CCDC91: variants seen among roughly 807,000 people sequenced by gnomAD.
CCDC91 encodes the protein coiled-coil domain-containing protein 91.
CCDC91 carries 48 observed loss-of-function variants against 63.2 expected under a neutral mutation model. The ratio of observed to expected loss-of-function variants is 0.76; its 90% CI spans 0.60 to 0.97. The LOEUF is 0.97. CCDC91 is among the 50% of genes least tolerant of loss of function. CCDC91 has a pLI of 0.00. For synonymous variants in CCDC91, 167 were observed against 165.8 expected (o/e 1.01, Z -0.06); for missense variants, 500 against 494.6 (o/e 1.01, Z -0.10).
intron 1 of CCDC91, among the ~76,000 whole-genome samples, chr12:28,200,245 T>C (rs1043414180): frequency 6.6e-6 from 1 of 151,628 alleles, no homozygotes; most frequent in African/African-American, 2.4e-5. Flanking sequence ...TGAATTTTTT[T>C]TTTTTTTTGA....
Position 28,306,885 on chromosome 12 carries a change from A to G in CCDC91, c.411A>G (p.Lys137=). Residue 137 remains lysine, a synonymous_variant, in exon 5 of 13, where the codon AAA becomes AAG. Coordinates refer to ENST00000536442, the MANE Select transcript of CCDC91 (RefSeq NM_018318.5). ...ANVSNIQLQQ[K]ISSLEIKLKV... is the part of the protein sequence containing the mutation. ...TATCTAACATACAGCTTCAGCAAAA[A>G]ATTTCAAGTCTGGAGATTAAACTCA... is the stretch of plus-strand genomic sequence containing the variant. 6.2e-7 allele frequency: 1 copy of G among 1,612,312 alleles called. No homozygotes were observed. Among genetic ancestry groups the G allele is most frequent in the Non-Finnish European group, 8.5e-7 (1 of 1,178,798 alleles).
intron 1 of CCDC91, among the ~76,000 whole-genome samples, chr12:28,239,236 A>G (rs1945172933): frequency 6.6e-6 from 1 of 152,130 alleles, no homozygotes. Context: ...GAATAGAGGT[A>G]TATAGTAGAT....
intron 1 of CCDC91, among the ~76,000 whole-genome samples, chr12:28,197,262 C>T (rs936579163): frequency 2.6e-4 from 39 of 152,100 alleles, no homozygotes; most frequent in African/African-American, 9.4e-4. Flanking sequence ...AAACAGAGTT[C>T]CTTAGAAATC....
chr12:28,417,224 G>T (rs1947717420), intron 8 of CCDC91, among the ~76,000 whole-genome samples: 1 of 151,852 alleles, frequency 6.6e-6, no homozygotes, highest in Non-Finnish European at 1.5e-5. Context: ...TATCTTATTT[G>T]TGATGTTGGC....
intron 8 of CCDC91, among the ~76,000 whole-genome samples, chr12:28,436,390 T>G (rs1948909308): frequency 6.6e-6 from 1 of 151,846 alleles, no homozygotes; most frequent in South Asian, 2.1e-4. Flanking sequence ...ACATAATGAT[T>G]CAAATTCTTC....
chr12:28,405,609 C>T (rs1331447546), intron 8 of CCDC91, among the ~76,000 whole-genome samples: 4 of 152,054 alleles, frequency 2.6e-5, no homozygotes, highest in African/African-American at 9.7e-5. Flanking sequence ...ATAAATTAGC[C>T]TCAGCTTAAA....
chr12:28,290,462 G>T (rs1174118467), intron 3 of CCDC91, among the ~76,000 whole-genome samples: 1 of 152,090 alleles, frequency 6.6e-6, no homozygotes, highest in Non-Finnish European at 1.5e-5. Context: ...TATCCAGCTT[G>T]CCACTCTGTG....
chr12:28,396,360 C>G (rs1946286458), intron 8 of CCDC91, among the ~76,000 whole-genome samples: 1 of 152,048 alleles, frequency 6.6e-6, no homozygotes, highest in East Asian at 1.9e-4. Context: ...ACATTGGGTG[C>G]TATTAAAAGG....
intron 3 of CCDC91, among the ~76,000 whole-genome samples, chr12:28,286,945 T>C (rs996984542): frequency 2.0e-5 from 3 of 152,170 alleles, no homozygotes; most frequent in Non-Finnish European, 2.9e-5. Flanking sequence ...TGGTTTTGAT[T>C]TGCATTTCTC....
chr12:28,394,607 A>G (rs1210304113), intron 8 of CCDC91, among the ~76,000 whole-genome samples: 1 of 152,166 alleles, frequency 6.6e-6, no homozygotes, highest in Non-Finnish European at 1.5e-5. Flanking sequence ...AAATGAAATT[A>G]GTACCTTCAG....
At chr12:28,405,502 G>A (rs1363557505) in intron 8 of CCDC91, among the ~76,000 whole-genome samples, 4 of 152,078 alleles carry the variant, frequency 2.6e-5, no homozygotes, top group East Asian at 1.9e-4. Context: ...AGTTTCAAGC[G>A]TCTGACCTAT....
chr12:28,252,872 A>T (rs1397803096), intron 1 of CCDC91, among the ~76,000 whole-genome samples: 1 of 152,196 alleles, frequency 6.6e-6, no homozygotes, highest in Non-Finnish European at 1.5e-5. Context: ...CTTAGAATGT[A>T]TCAGATACTG....
In CCDC91 at chr12:28,257,213, A is replaced by G. The variant is rs771939694; in HGVS notation, c.-3A>G. The G allele has an allele frequency of 6.2e-7, 1 of 1,609,420 alleles. No individual in the cohort carries two copies. The highest frequency in any genetic ancestry group is 8.5e-7 in the Non-Finnish European group (1 of 1,176,064). The stretch of plus-strand genomic sequence containing the variant: ...CTTATATTTTTCAGGTGCCACTTGA[A>G]GAATGGATGATGATGATTTTGGTGG... On this transcript the variant is annotated 5_prime_UTR_variant, in exon 2 of 13. Transcript: ENST00000536442.
intron 3 of CCDC91, among the ~76,000 whole-genome samples, chr12:28,273,379 G>T (rs1416809071): frequency 6.6e-6 from 1 of 152,096 alleles, no homozygotes; most frequent in Non-Finnish European, 1.5e-5. Context: ...TGGGTCAAAT[G>T]GTATTTCTAG....
intron 8 of CCDC91, among the ~76,000 whole-genome samples, chr12:28,444,277 TA>T (rs1387387306): frequency 6.6e-6 from 1 of 152,166 alleles, no homozygotes; most frequent in African/African-American, 2.4e-5. Flanking sequence ...AAATTTGTCT[TA>T]GGGGCATAGT....
At chr12:28,448,776 T>C (rs1424751333) in intron 8 of CCDC91, among the ~76,000 whole-genome samples, 1 of 152,118 alleles carries the variant, frequency 6.6e-6, no homozygotes, top group Non-Finnish European at 1.5e-5. Context: ...CAAGCCTAAA[T>C]TGAATATTTT....
intron 12 of CCDC91, among the ~76,000 whole-genome samples, chr12:28,541,157 A>G (rs922073838): frequency 5.9e-5 from 9 of 152,172 alleles, no homozygotes; most frequent in African/African-American, 9.6e-5. Context: ...TTGCACACCG[A>G]TAGATAACTA....
chr12:28,394,302 TA>T (rs1315439132), intron 8 of CCDC91, among the ~76,000 whole-genome samples: 5 of 151,972 alleles, frequency 3.3e-5, no homozygotes, highest in African/African-American at 1.2e-4. Context: ...CCGTCTCTAC[TA>T]AAAATACAAA....
intron 6 of CCDC91, chr12:28,319,201 T>C (rs1228567196): frequency 6.6e-6 from 1 of 151,946 alleles, no homozygotes; most frequent in Admixed American, 6.6e-5. Context: ...GCAAATAAAC[T>C]TCATGTATTT....
Sources: gnomAD v4.1 joint callset for allele counts (sites outside exome capture counted in the v4.1 genomes callset) on GRCh38, gnomAD v4.1.1 for gene constraint, MANE v1.5 for transcripts, NCBI Gene and HGNC (gene_info 2026-07-23, HGNC 2026-07-21) for gene names.